Variants in AMMECR1 observed in about 807,000 individuals in gnomAD.
The protein encoded by AMMECR1 is AMMECR nuclear protein 1, also known as nuclear protein AMMECR1.
A neutral mutation model predicts 22.5 loss-of-function variants in AMMECR1; 3 were observed. The observed-to-expected ratio is 0.13, with a 90% CI of 0.06 to 0.35. The LOEUF is 0.35. Among genes scored for constraint, AMMECR1 ranks in the 10% least tolerant of loss-of-function variants. The pLI is 1.00. For missense variants in AMMECR1, 235 were observed against 278.7 expected (o/e 0.84, Z 1.12); for synonymous variants, 130 against 116.7 (o/e 1.11, Z -0.74).
chrX:110,374,425 T>C (rs2068361509), intron 2 of AMMECR1, among the ~76,000 whole-genome samples: 1 of 112,132 alleles, frequency 8.9e-6, no homozygotes, highest in Non-Finnish European at 1.9e-5. Flanking sequence ...TTTATTTTAG[T>C]ACAGCCTGAG....
chrX:110,216,821 G>T (rs895056944), intron 2 of AMMECR1, among the ~76,000 whole-genome samples, 189 bp from the exon 3 acceptor site: 7 of 111,375 alleles, frequency 6.3e-5, no homozygotes, highest in Non-Finnish European at 1.3e-4. Context: ...TCATTTAATA[G>T]ATTGTGTTTG....
intron 2 of AMMECR1, among the ~76,000 whole-genome samples, chrX:110,262,704 G>A (rs768009934): frequency 8.9e-6 from 1 of 112,019 alleles, no homozygotes; most frequent in African/African-American, 3.2e-5. Context: ...GGTATATAAT[G>A]TTTGATAATG....
intron 2 of AMMECR1, among the ~76,000 whole-genome samples, chrX:110,346,044 GC>G (rs1350650607): frequency 9.8e-5 from 11 of 111,797 alleles, no homozygotes; most frequent in African/African-American, 3.6e-4. Context: ...ACCTTACTAA[GC>G]AATTTTGGTT....
chrX:110,439,426 T>C (rs1403587546), intron 1 of AMMECR1, among the ~76,000 whole-genome samples: 1 of 112,283 alleles, frequency 8.9e-6, no homozygotes, highest in Non-Finnish European at 1.9e-5. Context: ...TGGAGGAGTT[T>C]CTAGATTTTT....
intron 1 of AMMECR1, among the ~76,000 whole-genome samples, chrX:110,302,598 C>T (rs1336694825): frequency 2.7e-5 from 3 of 111,484 alleles, no homozygotes; most frequent in Admixed American, 9.5e-5. Flanking sequence ...CTAGGCCAGG[C>T]GCGGTGACTC....
At chrX:110,288,215 T>C (rs762165016) in intron 1 of AMMECR1, among the ~76,000 whole-genome samples, 2 of 111,634 alleles carry the variant, frequency 1.8e-5, no homozygotes, top group South Asian at 3.8e-4. Flanking sequence ...AGGCTAGAAA[T>C]CTCACAAAGA....
chrX:110,272,466 G>A (rs73250295), intron 1 of AMMECR1, among the ~76,000 whole-genome samples: 5,304 of 111,505 alleles, frequency 0.048, 128 homozygotes, highest in Non-Finnish European at 0.072. Flanking sequence ...CAGGGAATTC[G>A]TAACACTTCA....
chrX:110,296,657 A>T (rs1010168717), intron 1 of AMMECR1, among the ~76,000 whole-genome samples: 4 of 110,831 alleles, frequency 3.6e-5, no homozygotes, highest in Non-Finnish European at 7.6e-5. Context: ...CCTTTTAATA[A>T]TTTTTTTAAT....
chrX:110,297,579 C>CT lies in AMMECR1; in HGVS notation c.473+20019dup, dbSNP rs1047855066. On this transcript the variant is annotated intron_variant, in intron 1 of 5. Transcript: ENST00000262844. ...GCAAGTTAAAATACAACAAATCTAA[C>CT]TTTTTTTTTTAACCGAAAATCAGCT... Among the ~76,000 whole-genome samples the CT allele has an allele frequency of 1.3e-4, 14 of 108,001 alleles. No homozygotes were observed. The South Asian group carries it at 1.6e-3, about 12-fold the overall frequency. The allele number at this position is 108,001 out of a possible 115,157, so 93.8% of individuals were successfully genotyped here.
In AMMECR1 at chrX:110,216,465, A is replaced by T. The variant is rs996127085; in HGVS notation, c.699+53T>A. ...TTATTTTCTGGGCCTAATTTTTAACATCTCCTCAAGAGTTACCTTCATTTT... is the reference window on the plus strand; with the variant it reads ...TTATTTTCTGGGCCTAATTTTTAACTTCTCCTCAAGAGTTACCTTCATTTT... On this transcript the variant is annotated intron_variant, in intron 3 of 5. Coordinates refer to ENST00000262844, the MANE Select transcript of AMMECR1 (RefSeq NM_015365.3). The T allele has an allele frequency of 9.8e-6, 9 of 919,122 alleles. No individual in the cohort carries two copies. The Admixed American group carries it at 9.9e-5, about 10-fold the overall frequency. 75.7% of individuals were successfully genotyped at this position (919,122 alleles called of 1,213,427 possible). A position where few individuals can be genotyped will look rare whatever the true frequency, so the allele number is the denominator to read the frequency against.
rs766149963 is a variant in AMMECR1 at position 110,418,168 on chromosome X, G to A, written c.-148+8490C>T. Reference sequence around the variant, plus strand: ...TGTAGGTTCATCCGGCATGCAGGCCGGGGACTCTGGGTGTAGAGGAACAAT... The same window carrying A: ...TGTAGGTTCATCCGGCATGCAGGCCAGGGACTCTGGGTGTAGAGGAACAAT... On this transcript the variant is annotated intron_variant, in intron 2 of 7. Transcript: ENST00000372057. Among the ~76,000 whole-genome samples, 10 of 112,629 alleles carry A rather than the reference G, an allele frequency of 8.9e-5. No individual in the cohort carries two copies. The South Asian group carries it at 1.5e-3, about 17-fold the overall frequency.
chrX:110,249,342 G>T (rs2067675080), intron 2 of AMMECR1, among the ~76,000 whole-genome samples: 1 of 110,995 alleles, frequency 9.0e-6, no homozygotes, highest in South Asian at 3.8e-4. Context: ...GAAGGAAGCA[G>T]TATCGCACAG....
intron 2 of AMMECR1, among the ~76,000 whole-genome samples, chrX:110,235,351 G>A (rs1308855703): frequency 8.9e-6 from 1 of 112,302 alleles, no homozygotes; most frequent in African/African-American, 3.2e-5. Flanking sequence ...GAGACGATGT[G>A]GAGAAATAGG....
At chrX:110,277,981 C>T (rs1237921025) in intron 1 of AMMECR1, among the ~76,000 whole-genome samples, 1 of 111,970 alleles carries the variant, frequency 8.9e-6, no homozygotes, top group Non-Finnish European at 1.9e-5. Context: ...TGCATTATGT[C>T]TAATGTATGT....
intron 2 of AMMECR1, among the ~76,000 whole-genome samples, chrX:110,397,965 G>A (rs1415462312): frequency 8.9e-6 from 1 of 112,315 alleles, no homozygotes. Context: ...GGGTGTGGGT[G>A]GAGCACGAAC....
At chrX:110,436,613 G>A (rs760579707) in intron 1 of AMMECR1, among the ~76,000 whole-genome samples, 31 of 112,055 alleles carry the variant, frequency 2.8e-4, no homozygotes, top group Non-Finnish European at 5.5e-4. Flanking sequence ...AGAACATGCT[G>A]AGGGCATGCC....
chrX:110,274,177 C>A (rs2067813678), intron 1 of AMMECR1, among the ~76,000 whole-genome samples: 1 of 111,259 alleles, frequency 9.0e-6, no homozygotes. Flanking sequence ...TTTTGTAGGT[C>A]TCCTTATAGA....
At chrX:110,359,379 C>T (rs1373534155) in intron 2 of AMMECR1, among the ~76,000 whole-genome samples, 1 of 111,442 alleles carries the variant, frequency 9.0e-6, no homozygotes, top group Non-Finnish European at 1.9e-5. Flanking sequence ...CCTCTTTTGG[C>T]ATTACTCATG....
At chrX:110,412,402 A>G (rs1229126864) in intron 2 of AMMECR1, among the ~76,000 whole-genome samples, 1 of 112,450 alleles carries the variant, frequency 8.9e-6, no homozygotes, top group Non-Finnish European at 1.9e-5. Flanking sequence ...ATACATCCCA[A>G]TAATGACATA....
Sources: gnomAD v4.1 joint callset for allele counts (sites outside exome capture counted in the v4.1 genomes callset) on GRCh38, gnomAD v4.1.1 for gene constraint, MANE v1.5 for transcripts, NCBI Gene and HGNC (gene_info 2026-07-23, HGNC 2026-07-21) for gene names.